Variants in CAPS2 observed in about 807,000 individuals in gnomAD.
The protein encoded by CAPS2 is calcyphosin-2.
Under a neutral mutation model 86.5 loss-of-function variants are expected in CAPS2, and 98 were observed. That is an observed-to-expected ratio of 1.13 (90% CI 0.96 to 1.34). The LOEUF (loss-of-function observed/expected upper bound fraction) is 1.34, where lower values mean the gene tolerates loss of function less well. CAPS2 is among the 40% of genes most tolerant of loss of function. CAPS2 has a pLI of 0.00. For missense variants in CAPS2, 729 were observed against 686.8 expected, an observed-to-expected ratio of 1.06 and a Z score of -0.69; for synonymous variants, 210 against 225.1, an observed-to-expected ratio of 0.93 and a Z score of 0.60.
chr12:75,280,011 T>C (rs892409524), intron 16 of CAPS2, among the ~76,000 whole-genome samples: 5 of 151,854 alleles, frequency 3.3e-5, no homozygotes, highest in Admixed American at 1.3e-4. Flanking sequence ...ACCCAGGAAA[T>C]ATCTACCTCC....
chr12:75,283,281 G>T (rs2034298809), intron 15 of CAPS2, among the ~76,000 whole-genome samples: 1 of 152,116 alleles, frequency 6.6e-6, no homozygotes, highest in Non-Finnish European at 1.5e-5. Flanking sequence ...GCAACATTCT[G>T]CATTCGTAGT....
chr12:75,299,961 G>C, intron 8 of CAPS2, 50 bp from the exon 9 acceptor site: 1 of 720,006 alleles, frequency 1.4e-6, no homozygotes, highest in South Asian at 2.4e-5. Flanking sequence ...CCTATAACTT[G>C]ATGGAAATTG....
chr12:75,346,413 C>G (rs1002027318), intron 1 of CAPS2, among the ~76,000 whole-genome samples: 1 of 150,726 alleles, frequency 6.6e-6, no homozygotes, highest in Admixed American at 6.6e-5. Flanking sequence ...TTTTTTGAGA[C>G]GGAGTCTCGC....
intron 1 of CAPS2, among the ~76,000 whole-genome samples, chr12:75,340,708 G>C (rs1051031926): frequency 6.8e-6 from 1 of 146,916 alleles, no homozygotes; most frequent in African/African-American, 2.5e-5. Context: ...CCTATCTAGA[G>C]AAAGAAGTCT....
chr12:75,375,643 A>T (rs1566029696), intron 1 of CAPS2, among the ~76,000 whole-genome samples: 1 of 152,164 alleles, frequency 6.6e-6, no homozygotes. Flanking sequence ...TGTCCACTCG[A>T]CCTGAAAGTT....
At chr12:75,326,371 A>G in intron 1 of CAPS2, 47 bp downstream of exon 2, 1 of 720,846 alleles carries the variant, frequency 1.4e-6, no homozygotes, top group Non-Finnish European at 2.3e-6. Context: ...TAAAAAAATT[A>G]TTTATAAGTC....
upstream of CAPS2, chr12:75,326,597 C>T (rs997106908): frequency 1.7e-5 from 12 of 717,600 alleles, no homozygotes; most frequent in Middle Eastern, 2.4e-4. Context: ...ATACAAATTA[C>T]CTAACAAGTC....
chr12:75,346,248 T>C (rs2042438086), intron 1 of CAPS2, among the ~76,000 whole-genome samples: 1 of 152,212 alleles, frequency 6.6e-6, no homozygotes, highest in Non-Finnish European at 1.5e-5. Flanking sequence ...ATTTTAGTTG[T>C]ATTTTTGGTT....
At chr12:75,282,295 A>G (rs767013925) in exon 16 of CAPS2, 9 of 1,608,208 alleles carry the variant, frequency 5.6e-6, no homozygotes, top group Non-Finnish European at 7.7e-6. Flanking sequence ...ACATTTTCTT[A>G]TGTTTATAAT....
upstream of CAPS2, among the ~76,000 whole-genome samples, chr12:75,327,135 T>A (rs1565919196): frequency 6.6e-6 from 1 of 152,336 alleles, no homozygotes; most frequent in East Asian, 1.9e-4. Flanking sequence ...TATGTTGTTT[T>A]AAACCACTAA....
intron 1 of CAPS2, among the ~76,000 whole-genome samples, chr12:75,377,158 G>A (rs1243280944): frequency 6.6e-6 from 1 of 152,156 alleles, no homozygotes; most frequent in East Asian, 1.9e-4. Context: ...CCTATTAGAA[G>A]TAGAGTCCTT....
intron 7 of CAPS2, among the ~76,000 whole-genome samples, chr12:75,305,117 C>T (rs1212861850): frequency 6.6e-6 from 1 of 152,064 alleles, no homozygotes; most frequent in Non-Finnish European, 1.5e-5. Context: ...CTAAGAGCTC[C>T]ATGTTTTTAT....
At chr12:75,277,658 C>T in exon 17 of CAPS2, 3 of 984,196 alleles carry the variant, frequency 3.0e-6, no homozygotes, top group Non-Finnish European at 2.4e-6. Flanking sequence ...GTTGGGTTCA[C>T]ATGTATCACA....
chr12:75,335,299 TCTTA>T (rs1482888843), intron 1 of CAPS2, among the ~76,000 whole-genome samples: 1 of 152,206 alleles, frequency 6.6e-6, no homozygotes, highest in African/African-American at 2.4e-5. Context: ...TCTCTTGTTC[TCTTA>T]CTTATTTTTA....
chr12:75,327,541 G>C (rs1333407195), upstream of CAPS2, among the ~76,000 whole-genome samples: 1 of 151,764 alleles, frequency 6.6e-6, no homozygotes, highest in Non-Finnish European at 1.5e-5. Flanking sequence ...TATAGTCTTA[G>C]ATTTATTTTA....
At chr12:75,278,292 C>T in exon 17 of CAPS2, 1 of 982,464 alleles carries the variant, frequency 1.0e-6, no homozygotes. Flanking sequence ...TTTAAATGAG[C>T]ATCATGGGGT....
intron 1 of CAPS2, among the ~76,000 whole-genome samples, chr12:75,389,354 T>C (rs954285879): frequency 6.6e-6 from 1 of 152,188 alleles, no homozygotes; most frequent in African/African-American, 2.4e-5. Flanking sequence ...CAAGGAAATA[T>C]TTATTGAATG....
At chr12:75,320,265 A>C (rs2040174197) in intron 5 of CAPS2, among the ~76,000 whole-genome samples, 1 of 152,148 alleles carries the variant, frequency 6.6e-6, no homozygotes, top group South Asian at 2.1e-4. Flanking sequence ...AAGGAAATAA[A>C]AGTTTTACTT....
chr12:75,345,939 G>C (rs888868101), intron 1 of CAPS2, among the ~76,000 whole-genome samples: 20 of 152,140 alleles, frequency 1.3e-4, no homozygotes, highest in Non-Finnish European at 2.8e-4. Context: ...TAAGTAATTA[G>C]GAATGGTTAT....
Sources: gnomAD v4.1 joint callset for allele counts (sites outside exome capture counted in the v4.1 genomes callset) on GRCh38, gnomAD v4.1.1 for gene constraint, MANE v1.5 for transcripts, NCBI Gene and HGNC (gene_info 2026-07-23, HGNC 2026-07-21) for gene names.